The following GALNT3 variants were observed in gnomAD, a reference collection of about 807,000 sequenced individuals.
The protein encoded by GALNT3 is GalNAc transferase 3.
Under a neutral mutation model 69.8 loss-of-function variants are expected in GALNT3, and 51 were observed. The ratio of observed to expected loss-of-function variants is 0.73; its 90% CI spans 0.58 to 0.92. GALNT3 has a LOEUF of 0.92. GALNT3 is among the 40% of genes least tolerant of loss of function. The probability of loss-of-function intolerance (pLI) is 0.00; values close to 1 mark genes in which losing one functional copy is unlikely to be tolerated. For synonymous variants in GALNT3, 265 were observed against 248.5 expected (o/e 1.07, Z -0.63); for missense variants, 711 against 760.0 (o/e 0.94, Z 0.76).
chr2:165,767,897 CAG>C (rs1308725250), intron 2 of GALNT3, among the ~76,000 whole-genome samples: 2 of 105,662 alleles, frequency 1.9e-5, no homozygotes, highest in Non-Finnish European at 3.5e-5. Flanking sequence ...TTTTTTGAGA[CAG>C]AGTCTTGCTC....
chr2:165,749,090 G>A (rs566467180), intron 10 of GALNT3, among the ~76,000 whole-genome samples, 187 bp from the exon 11 acceptor site: 16 of 152,134 alleles, frequency 1.1e-4, no homozygotes, highest in Admixed American at 9.2e-4. Flanking sequence ...TCTTCAATTA[G>A]TAAGATATTA....
intron 2 of GALNT3, among the ~76,000 whole-genome samples, chr2:165,765,823 G>C (rs1439346790): frequency 2.6e-5 from 4 of 152,072 alleles, no homozygotes; most frequent in African/African-American, 9.7e-5. Flanking sequence ...TCTTTAATTA[G>C]ATATTTACCT....
intron 2 of GALNT3, among the ~76,000 whole-genome samples, chr2:165,765,735 G>A (rs550220388): frequency 2.6e-5 from 4 of 152,068 alleles, no homozygotes; most frequent in Admixed American, 6.5e-5. Context: ...TGATCCACCC[G>A]CCTAGGCCTC....
chr2:165,754,370 G>A (rs535047715), intron 9 of GALNT3, among the ~76,000 whole-genome samples: 8 of 146,936 alleles, frequency 5.4e-5, no homozygotes, highest in South Asian at 4.3e-4. Context: ...GATTACAGGC[G>A]TGAGCCACTC....
Position 165,748,898 on chromosome 2 carries a change from T to C in GALNT3, c.1785A>G (p.Gln595=), listed in dbSNP as rs753571417. ...TTTTTAAGAATGGATTGTATAGAAGTTGATCCTAGAATAAAAGGAAACAAC... is the reference window on the plus strand; with the variant it reads ...TTTTTAAGAATGGATTGTATAGAAGCTGATCCTAGAATAAAAGGAAACAAC... ...GEQIWEIQKD[Q]LLYNPFLKMC... The change falls in exon 11 of 11, where the codon CAA becomes CAG. Residue 595 remains glutamine, a synonymous_variant. Coordinates refer to ENST00000392701, the MANE Select transcript of GALNT3 (RefSeq NM_004482.4). The C allele has an allele frequency of 6.2e-7, 1 of 1,609,504 alleles. No homozygotes were observed. The highest frequency in any genetic ancestry group is 1.1e-5 in the South Asian group (1 of 90,728).
Position 165,774,470 on chromosome 2 carries a change from G to A in GALNT3, c.-108-3662C>T, listed in dbSNP as rs1688810832. ...TTGTGGATAGGGTGGGAATTGAAAA[G>A]AAGGATAGAATTAATGACGCAGATA... On this transcript the variant is annotated intron_variant, in intron 1 of 10. Coordinates refer to ENST00000392701, the MANE Select transcript of GALNT3 (RefSeq NM_004482.4). Among the ~76,000 whole-genome samples the A allele has an allele frequency of 2.0e-5, 3 of 152,210 alleles. No homozygotes were observed. In the South Asian group the frequency reaches 6.2e-4, roughly 32 times the overall value.
chr2:165,769,322 C>T (rs185734080), intron 2 of GALNT3, among the ~76,000 whole-genome samples: 1,564 of 148,528 alleles, frequency 0.011, 36 homozygotes, highest in African/African-American at 0.036. Flanking sequence ...TGGAGAATCG[C>T]TTGAACCCAG....
At chr2:165,792,140 C>T (rs1683367217) in intron 1 of GALNT3, among the ~76,000 whole-genome samples, 1 of 152,042 alleles carries the variant, frequency 6.6e-6, no homozygotes, top group Non-Finnish European at 1.5e-5. Flanking sequence ...TATTGAATCT[C>T]CAAAGTGAGA....
chr2:165,757,228 TGCCCA>T lies in GALNT3; in HGVS notation c.1206_1210del (p.Gly403ValfsTer20). 6.2e-7 allele frequency: 1 copy of T among 1,614,014 alleles called. No homozygotes were observed. The highest frequency in any genetic ancestry group is 8.5e-7 in the Non-Finnish European group (1 of 1,179,884). ...AACAGAGCAAGGCATAATCTCCAACTGCCCACCACATTGCCATACCTGATAATTAA... is the reference window on the plus strand; with the variant it reads ...AACAGAGCAAGGCATAATCTCCAACTCCACATTGCCATACCTGATAATTAA... On this transcript the variant is annotated frameshift_variant, in exon 7 of 11. Transcript: ENST00000392701. LOFTEE classifies it high-confidence loss of function.
rs370646500 is a variant in GALNT3 at position 165,770,731 on chromosome 2, T to C, written c.-31A>G. 16 of 1,595,768 alleles carry C rather than the reference T, an allele frequency of 1.0e-5. No individual in the cohort carries two copies. In the African/African-American group the frequency reaches 1.9e-4, roughly 19 times the overall value. On this transcript the variant is annotated 5_prime_UTR_variant, in exon 2 of 11. Transcript: ENST00000392701. Reference sequence around the variant, plus strand: ...CATTAAAAGCTTGTCACTTGACAAATAACAGTTATTTCTTCTTCTGTTACT... The same window carrying C: ...CATTAAAAGCTTGTCACTTGACAAACAACAGTTATTTCTTCTTCTGTTACT...
intron 1 of GALNT3, among the ~76,000 whole-genome samples, chr2:165,791,844 T>C (rs754410365): frequency 2.0e-5 from 3 of 152,204 alleles, no homozygotes; most frequent in African/African-American, 7.2e-5. Flanking sequence ...AGGAGCATGA[T>C]GCCTTCACTG....
At chr2:165,780,526 C>T (rs1361406477) in intron 1 of GALNT3, among the ~76,000 whole-genome samples, 1 of 152,164 alleles carries the variant, frequency 6.6e-6, no homozygotes, top group Non-Finnish European at 1.5e-5. Context: ...GAAAAGTTTT[C>T]CTTATCCAGT....
chr2:165,770,250 T>G lies in GALNT3; in HGVS notation c.451A>C (p.Asn151His), dbSNP rs778217078. The G allele has an allele frequency of 6.2e-7, 1 of 1,614,184 alleles. No homozygotes were observed. The highest frequency in any genetic ancestry group is 8.5e-7 in the Non-Finnish European group (1 of 1,180,034). Residue 151 changes from asparagine to histidine, a missense_variant, in exon 2 of 11, where the codon AAT (asparagine) becomes CAT (histidine). Asn to His is a moderately conservative substitution (Grantham distance 68). Transcript: ENST00000392701. ...KERGEAKHCF[N>H]AFASDRISLH... ...GAAATCCTGTCACTTGCGAAAGCAT[T>G]AAAGCAGTGTTTAGCTTCCCCACGT...
chr2:165,780,447 G>A (rs557373316), intron 1 of GALNT3, among the ~76,000 whole-genome samples: 3 of 152,212 alleles, frequency 2.0e-5, no homozygotes, highest in African/African-American at 7.2e-5. Context: ...ATATAGATCT[G>A]TATTTCTAGG....
chr2:165,793,337 C>T (rs1683391678), intron 1 of GALNT3, among the ~76,000 whole-genome samples: 1 of 152,150 alleles, frequency 6.6e-6, no homozygotes, highest in East Asian at 1.9e-4. Context: ...TTTCTTCCCG[C>T]CACGGAAGAA....
chr2:165,779,728 T>C (rs1337831684), intron 1 of GALNT3, among the ~76,000 whole-genome samples: 1 of 152,054 alleles, frequency 6.6e-6, no homozygotes, highest in Non-Finnish European at 1.5e-5. Flanking sequence ...AAAATGTGCA[T>C]TGAACCTGAG....
Position 165,770,626 on chromosome 2 carries a change from T to C in GALNT3, c.75A>G (p.Ala25=), listed in dbSNP as rs1240383297. The change falls in exon 2 of 11, where the codon GCA becomes GCG. Residue 25 remains alanine, a synonymous_variant. Transcript: ENST00000392701. ...HYHKKFWKLG[A]VIFFFIIVLV... The stretch of plus-strand genomic sequence containing the variant: ...AAACTATTATAAAGAAAAAAATTAC[T>C]GCACCAAGCTTCCAGAACTTTTTAT... The C allele has an allele frequency of 2.5e-6, 4 of 1,600,866 alleles. No homozygotes were observed. Among genetic ancestry groups the C allele is most frequent in the Non-Finnish European group, 3.4e-6 (4 of 1,175,656 alleles).
At position 165,754,931 on chromosome 2, in the gene GALNT3, C is replaced by T. The variant is rs745655924; in HGVS notation, c.1524+1G>A. The stretch of plus-strand genomic sequence containing the variant: ...TAAAAAAGGAACAGGAAAATACTCA[C>T]GTATCCAGATATAACAGGATTAAGG... On this transcript the variant is annotated splice_donor_variant, in intron 8 of 10. Coordinates refer to ENST00000392701, the MANE Select transcript of GALNT3 (RefSeq NM_004482.4). LOFTEE classifies it high-confidence loss of function. The T allele has an allele frequency of 8.1e-6, 13 of 1,613,002 alleles. No individual in the cohort carries two copies. Among genetic ancestry groups the T allele is most frequent in the South Asian group, 1.1e-5 (1 of 91,074 alleles).
In GALNT3 at chr2:165,762,025, C is replaced by T. The variant is rs146978168; in HGVS notation, c.718G>A (p.Val240Ile). 1.3e-6 allele frequency: 2 copies of T among 1,585,748 alleles called. No homozygotes were observed. Among genetic ancestry groups the T allele is most frequent in the African/African-American group, 2.7e-5 (2 of 74,214 alleles). The change falls in exon 4 of 11, where the codon GTA becomes ATA. Residue 240 changes from valine to isoleucine, a missense_variant. Coordinates refer to ENST00000392701, the MANE Select transcript of GALNT3 (RefSeq NM_004482.4). ...ATTTTTACTATAGAAAATTGTTTTACATATTCATCTAGTTTATCATGTAAG... is the reference window on the plus strand; with the variant it reads ...ATTTTTACTATAGAAAATTGTTTTATATATTCATCTAGTTTATCATGTAAG... ...EYLHDKLDEY[V>I]KQFSIVKIVR...
Sources: allele counts gnomAD v4.1 joint callset (sites outside exome capture counted in the v4.1 genomes callset), GRCh38; gene constraint gnomAD v4.1.1; transcripts MANE v1.5; gene names NCBI Gene and HGNC (gene_info 2026-07-23, HGNC 2026-07-21).